The following IQCK variants were observed in gnomAD, a reference collection of about 807,000 sequenced individuals.
The protein encoded by IQCK is IQ motif containing K, also known as IQ domain-containing protein K.
IQCK carries 29 observed loss-of-function variants against 28.1 expected under a neutral mutation model. The ratio of observed to expected loss-of-function variants is 1.03; its 90% CI spans 0.77 to 1.41. The LOEUF is 1.41. IQCK is among the 40% of genes most tolerant of loss of function. The pLI is 0.00. For missense variants in IQCK, 359 were observed against 314.7 expected, an observed-to-expected ratio of 1.14 and a Z score of -1.07; for synonymous variants, 113 against 115.1, an observed-to-expected ratio of 0.98 and a Z score of 0.12.
At chr16:19,747,874 G>A (rs1342741078) in intron 4 of IQCK, among the ~76,000 whole-genome samples, 2 of 152,154 alleles carry the variant, frequency 1.3e-5, no homozygotes, top group African/African-American at 4.8e-5. Flanking sequence ...AAGTCACACT[G>A]CAAAGTGCAG....
In IQCK at chr16:19,764,018, T is replaced by TA. The variant is rs2055191463; in HGVS notation, c.528-16dup. The TA allele has an allele frequency of 6.2e-7, 1 of 1,612,696 alleles. No homozygotes were observed. Among genetic ancestry groups the TA allele is most frequent in the African/African-American group, 1.3e-5 (1 of 74,930 alleles). The stretch of plus-strand genomic sequence containing the variant: ...TTATTGTTTTCTTGTCAATCAAACA[T>TA]ATGGCATCATGACCAGCCAAAATCC... On this transcript the variant is annotated splice_polypyrimidine_tract_variant and intron_variant, in intron 5 of 7. Transcript: ENST00000564186.
intron 3 of IQCK, 59 bp from the exon 4 acceptor site, chr16:19,735,294 C>A: frequency 8.9e-7 from 1 of 1,127,552 alleles, no homozygotes; most frequent in Non-Finnish European, 1.4e-6. Context: ...AAACATTTCT[C>A]CCAGATTGGC....
chr16:19,734,379 G>A (rs868593767), intron 3 of IQCK, among the ~76,000 whole-genome samples: 20 of 148,530 alleles, frequency 1.3e-4, no homozygotes, highest in Admixed American at 4.1e-4. Context: ...AGAATCTCTT[G>A]AACCTGGGAG....
At chr16:19,856,842 A>G (rs2141132251) in exon 10 of IQCK, 1 of 340,260 alleles carries the variant, frequency 2.9e-6, no homozygotes, top group Admixed American at 4.8e-5. Context: ...TAAAATGTAC[A>G]ATGAACTCTA....
At chr16:19,736,569 G>T (rs1978021714) in intron 4 of IQCK, among the ~76,000 whole-genome samples, 1 of 152,198 alleles carries the variant, frequency 6.6e-6, no homozygotes, top group Admixed American at 6.5e-5. Flanking sequence ...GATACTTTGG[G>T]TGTATGTGTT....
At chr16:19,810,262 C>T (rs944733149) in intron 7 of IQCK, among the ~76,000 whole-genome samples, 14 of 151,964 alleles carry the variant, frequency 9.2e-5, no homozygotes, top group African/African-American at 2.7e-4. Context: ...TTTGGGAGGC[C>T]GAGGCGGGCG....
chr16:19,838,867 T>G (rs941124556), intron 9 of IQCK, among the ~76,000 whole-genome samples: 1 of 150,944 alleles, frequency 6.6e-6, no homozygotes, highest in Non-Finnish European at 1.5e-5. Context: ...AAAAATACAA[T>G]AATTAGCCAG....
chr16:19,757,368 C>T (rs1347688645), intron 4 of IQCK, among the ~76,000 whole-genome samples: 2 of 152,172 alleles, frequency 1.3e-5, no homozygotes, highest in Admixed American at 1.3e-4. Context: ...CTGGATTGAA[C>T]CGCTGTTAAT....
At chr16:19,736,336 C>T (rs983123694) in intron 4 of IQCK, 2 of 364,406 alleles carry the variant, frequency 5.5e-6, no homozygotes, top group Non-Finnish European at 1.1e-5. Flanking sequence ...AATCATGGCA[C>T]ACTGCAGCCT....
exon 10 of IQCK, chr16:19,858,448 T>C (rs2056591374): frequency 1.5e-6 from 1 of 669,590 alleles, no homozygotes; most frequent in African/African-American, 1.8e-5. Flanking sequence ...GCTTGGACAA[T>C]AAAGAACTTA....
At chr16:19,741,332 A>G (rs2054831909) in intron 4 of IQCK, among the ~76,000 whole-genome samples, 1 of 152,110 alleles carries the variant, frequency 6.6e-6, no homozygotes, top group Non-Finnish European at 1.5e-5. Context: ...TCTAATTTAT[A>G]CCCTTTCAGA....
chr16:19,718,424 C>A, exon 1 of IQCK: 5 of 1,607,416 alleles, frequency 3.1e-6, no homozygotes, highest in Non-Finnish European at 4.2e-6. Context: ...CCGCGAGCTG[C>A]CTGTCTCGTC....
intron 4 of IQCK, among the ~76,000 whole-genome samples, chr16:19,757,398 C>G (rs1045201938): frequency 6.6e-6 from 1 of 152,194 alleles, no homozygotes; most frequent in Non-Finnish European, 1.5e-5. Context: ...TTCGGCTGGG[C>G]GCTGTGGCTC....
intron 7 of IQCK, among the ~76,000 whole-genome samples, chr16:19,793,651 T>TG (rs2055652834): frequency 7.9e-6 from 1 of 126,824 alleles, no homozygotes; most frequent in Non-Finnish European, 1.6e-5. Context: ...GGGTTTTTTT[T>TG]TTTTTTTTTT....
chr16:19,806,541 A>G lies in IQCK; in HGVS notation c.690+17619A>G, dbSNP rs576887286. ...TCACTACAAAAAATACAAAAAAAAA[A>G]TAGCTGAGTGTGGTGGCACACACCT... On this transcript the variant is annotated intron_variant, in intron 7 of 7. Transcript: ENST00000564186. Among the ~76,000 whole-genome samples, 14 of 150,852 alleles carry G rather than the reference A, an allele frequency of 9.3e-5. No individual in the cohort carries two copies. In the South Asian group the frequency reaches 2.7e-3, roughly 29 times the overall value.
intron 6 of IQCK, among the ~76,000 whole-genome samples, chr16:19,779,339 T>C (rs951505937): frequency 2.0e-5 from 3 of 152,110 alleles, no homozygotes; most frequent in African/African-American, 7.2e-5. Flanking sequence ...GGATTGGATG[T>C]TGTGGGAGAG....
intron 7 of IQCK, among the ~76,000 whole-genome samples, chr16:19,826,431 T>A (rs1364172508): frequency 6.6e-6 from 1 of 152,158 alleles, no homozygotes; most frequent in Non-Finnish European, 1.5e-5. Context: ...CAGGCTGGAG[T>A]GCAATGGCAC....
chr16:19,808,335 C>G (rs1233075235), intron 7 of IQCK, among the ~76,000 whole-genome samples: 1 of 152,172 alleles, frequency 6.6e-6, no homozygotes, highest in Non-Finnish European at 1.5e-5. Flanking sequence ...GCAAAACTCC[C>G]TTTTTATTTG....
chr16:19,743,571 A>G (rs1379404115), intron 4 of IQCK, among the ~76,000 whole-genome samples: 1 of 152,212 alleles, frequency 6.6e-6, no homozygotes, highest in Non-Finnish European at 1.5e-5. Context: ...AATCCTCCCA[A>G]CAATCTTTGG....
Sources: allele counts gnomAD v4.1 joint callset (sites outside exome capture counted in the v4.1 genomes callset), GRCh38; gene constraint gnomAD v4.1.1; transcripts MANE v1.5; gene names NCBI Gene and HGNC (gene_info 2026-07-23, HGNC 2026-07-21).